RTN4: variants seen among roughly 807,000 people sequenced by gnomAD.
RTN4 encodes the protein reticulon-4.
A neutral mutation model predicts 90.4 loss-of-function variants in RTN4; 32 were observed. The ratio of observed to expected loss-of-function variants is 0.35; its 90% CI spans 0.27 to 0.48. The LOEUF is 0.48. RTN4 is among the 20% of genes least tolerant of loss of function. The pLI is 0.99. For synonymous variants in RTN4, 629 were observed against 552.5 expected (o/e 1.14, Z -1.94); for missense variants, 1,706 against 1,430.2 (o/e 1.19, Z -3.11).
chr2:55,107,873 C>G (rs906009324), intron 1 of RTN4, among the ~76,000 whole-genome samples: 10 of 152,094 alleles, frequency 6.6e-5, no homozygotes, highest in Admixed American at 2.6e-4. Flanking sequence ...TAAATATACA[C>G]TAGATTCTGT....
chr2:54,976,077 A>G (rs2104608093), intron 5 of RTN4, among the ~76,000 whole-genome samples: 1 of 152,362 alleles, frequency 6.6e-6, no homozygotes, highest in African/African-American at 2.4e-5. Flanking sequence ...CTATAGAGTA[A>G]GAGAGTTATT....
chr2:55,007,017 A>C (rs1680276037), intron 3 of RTN4, among the ~76,000 whole-genome samples: 1 of 152,124 alleles, frequency 6.6e-6, no homozygotes, highest in Non-Finnish European at 1.5e-5. Flanking sequence ...TGAGCTTCCG[A>C]GATGTTCTAT....
At chr2:54,992,185 G>A (rs1573319387) in intron 3 of RTN4, among the ~76,000 whole-genome samples, 1 of 152,146 alleles carries the variant, frequency 6.6e-6, no homozygotes, top group East Asian at 1.9e-4. Context: ...CCTAATGAAA[G>A]GTAGGCTTGA....
chr2:55,021,680 A>G (rs531303514), intron 3 of RTN4, among the ~76,000 whole-genome samples: 1 of 152,288 alleles, frequency 6.6e-6, no homozygotes, highest in South Asian at 2.1e-4. Flanking sequence ...AAAATTATTA[A>G]GTTGCAAGGA....
chr2:55,096,474 T>C (rs1456455172), intron 1 of RTN4, among the ~76,000 whole-genome samples: 1 of 152,112 alleles, frequency 6.6e-6, no homozygotes, highest in Non-Finnish European at 1.5e-5. Flanking sequence ...CTAATATATC[T>C]CTCAAGGTTC....
intron 1 of RTN4, among the ~76,000 whole-genome samples, chr2:55,109,749 T>C (rs1412497351): frequency 4.6e-5 from 7 of 152,212 alleles, no homozygotes; most frequent in Admixed American, 4.6e-4. Context: ...GAGCATATGT[T>C]GACCCGAGTG....
In RTN4 at chr2:54,972,968, T is replaced by G; in HGVS notation, c.*188A>C. The G allele has an allele frequency of 2.0e-6, 1 of 500,418 alleles. No homozygotes were observed. Among genetic ancestry groups the G allele is most frequent in the Non-Finnish European group, 3.6e-6 (1 of 277,034 alleles). The allele number at this position is 500,418 out of a possible 1,614,324, so 31.0% of individuals were successfully genotyped here. ...ACATAGCAGCTTACAATACTTAAGATGATGAACACATGGCAGTCAAGACAG... is the reference window on the plus strand; with the variant it reads ...ACATAGCAGCTTACAATACTTAAGAGGATGAACACATGGCAGTCAAGACAG... On this transcript the variant is annotated 3_prime_UTR_variant, in exon 9 of 9. Coordinates refer to ENST00000337526, the MANE Select transcript of RTN4 (RefSeq NM_020532.5).
At chr2:55,018,147 T>C (rs78475662) in intron 3 of RTN4, among the ~76,000 whole-genome samples, 4,030 of 152,316 alleles carry the variant, frequency 0.026, 79 homozygotes, top group South Asian at 0.036. Context: ...TTATCATCTA[T>C]AAAATGGTTC....
chr2:54,996,918 C>G (rs1451190823), intron 3 of RTN4, among the ~76,000 whole-genome samples: 2 of 151,998 alleles, frequency 1.3e-5, no homozygotes, highest in Admixed American at 1.3e-4. Context: ...CAGCACCTAG[C>G]CAGAAAACTC....
chr2:55,029,990 G>A (rs944494679), intron 1 of RTN4, among the ~76,000 whole-genome samples: 2 of 152,158 alleles, frequency 1.3e-5, no homozygotes, highest in Admixed American at 6.6e-5. Flanking sequence ...GGGTCAAAGA[G>A]CAGAACCAAA....
At chr2:54,987,438 C>G (rs1573304089) in intron 4 of RTN4, 53 bp downstream of exon 4, 3 of 1,279,900 alleles carry the variant, frequency 2.3e-6, no homozygotes, top group Non-Finnish European at 3.4e-6. Flanking sequence ...AGTCTTAATA[C>G]CAATCCTGTT....
chr2:55,018,989 T>C (rs1006208567), intron 3 of RTN4, among the ~76,000 whole-genome samples: 4 of 152,040 alleles, frequency 2.6e-5, no homozygotes, highest in Admixed American at 2.6e-4. Context: ...AGGCCTACAA[T>C]ATTTTGTTAG....
the RTN4 span, among the ~76,000 whole-genome samples, chr2:55,131,510 A>G: frequency 6.6e-6 from 1 of 152,200 alleles, no homozygotes; most frequent in East Asian, 1.9e-4. Context: ...ACCCAGCCTA[A>G]AGTATTTTTT....
chr2:55,125,417 G>A, the RTN4 span, among the ~76,000 whole-genome samples: 3 of 152,292 alleles, frequency 2.0e-5, no homozygotes, highest in East Asian at 5.8e-4. Context: ...AGATTTATAA[G>A]AGGAAAACAA....
chr2:54,973,462 A>G (rs1398694416), intron 8 of RTN4, 101 bp downstream of exon 8: 2 of 944,682 alleles, frequency 2.1e-6, no homozygotes, highest in African/African-American at 3.3e-5. Flanking sequence ...TTAAGGTCTG[A>G]TAGAGATTTG....
Position 55,027,054 on chromosome 2 carries a change from C to G in RTN4, c.1045G>C (p.Ala349Pro). 6.2e-7 allele frequency: 1 copy of G among 1,613,376 alleles called. No individual in the cohort carries two copies. Among genetic ancestry groups the G allele is most frequent in the Non-Finnish European group, 8.5e-7 (1 of 1,179,686 alleles). The change falls in exon 3 of 9, where the codon GCT (alanine) becomes CCT (proline). Residue 349 changes from alanine to proline, a missense_variant. Coordinates refer to ENST00000337526, the MANE Select transcript of RTN4 (RefSeq NM_020532.5). ...ILHNQQELPT[A>P]LTKLVKEDEV... is the part of the protein sequence containing the mutation. ...TCCTCTTTAACCAATTTAGTAAGAG[C>G]TGTAGGTAACTCTTGTTGATTATGA...
chr2:55,055,986 TTGTG>T (rs35396348), intron 2 of RTN4, among the ~76,000 whole-genome samples: 178 of 147,858 alleles, frequency 1.2e-3, no homozygotes, highest in Admixed American at 4.4e-3. Context: ...ATATATGTGT[TTGTG>T]TGTGTGTGTG....
intron 2 of RTN4, chr2:55,056,634 C>G (rs1316820805): frequency 5.7e-5 from 8 of 139,376 alleles, no homozygotes; most frequent in Non-Finnish European, 1.3e-4. Flanking sequence ...GACCCCATTT[C>G]AAAAAAAAAA....
At chr2:55,070,851 A>T (rs1301166257) in intron 2 of RTN4, among the ~76,000 whole-genome samples, 1 of 151,490 alleles carries the variant, frequency 6.6e-6, no homozygotes, top group African/African-American at 2.4e-5. Flanking sequence ...ATCTCGGCTC[A>T]CTGCAAGCTC....
Sources: gnomAD v4.1 joint callset for allele counts (sites outside exome capture counted in the v4.1 genomes callset) on GRCh38, gnomAD v4.1.1 for gene constraint, MANE v1.5 for transcripts, NCBI Gene and HGNC (gene_info 2026-07-23, HGNC 2026-07-21) for gene names.